The following GPR149 variants were observed in gnomAD, a reference collection of about 807,000 sequenced individuals.
GPR149 encodes the protein G protein-coupled receptor 149, also known as probable G protein-coupled receptor 149.
A neutral mutation model predicts 50.2 loss-of-function variants in GPR149; 50 were observed. The ratio of observed to expected loss-of-function variants is 1.00; its 90% CI spans 0.79 to 1.26. The LOEUF (loss-of-function observed/expected upper bound fraction) is 1.26, where lower values mean the gene tolerates loss of function less well. Ranked by LOEUF, GPR149 falls within the 50% of genes most tolerant of loss-of-function variation. The pLI, the probability that GPR149 is intolerant of heterozygous loss-of-function variation, is 0.00. For synonymous variants in GPR149, 405 were observed against 358.2 expected (o/e 1.13, Z -1.48); for missense variants, 983 against 895.4 (o/e 1.10, Z -1.25).
chr3:154,429,207 C>T lies in GPR149; in HGVS notation c.409G>A (p.Gly137Ser). Residue 137 changes from glycine to serine, a missense_variant, in exon 1 of 4, where the codon GGT (glycine) becomes AGT (serine). Physicochemically the swap from Gly to Ser is moderately conservative, Grantham distance 56 (BLOSUM62 0). Coordinates refer to ENST00000389740, the MANE Select transcript of GPR149 (RefSeq NM_001038705.3). ...VSYNFYTMHR[G>S]VGSQTASRRS... ...CTGGAGGCTGTCTGGCTCCCCACACCTCTGTGCATCGTATAAAAGTTGTAA... is the reference window on the plus strand; with the variant it reads ...CTGGAGGCTGTCTGGCTCCCCACACTTCTGTGCATCGTATAAAAGTTGTAA... 2.5e-6 allele frequency: 4 copies of T among 1,614,162 alleles called. No individual in the cohort carries two copies.
intron 3 of GPR149, among the ~76,000 whole-genome samples, chr3:154,350,134 C>T (rs1367948416): frequency 6.6e-6 from 1 of 151,962 alleles, no homozygotes; most frequent in Non-Finnish European, 1.5e-5. Context: ...GGATTTGAGG[C>T]TACAGTGAGC....
intron 3 of GPR149, among the ~76,000 whole-genome samples, chr3:154,368,498 C>T (rs1218972583): frequency 6.6e-6 from 1 of 152,210 alleles, no homozygotes; most frequent in African/African-American, 2.4e-5. Flanking sequence ...AACCTTAAGG[C>T]ATTTCCTCCA....
At chr3:154,427,945 C>T (rs1712354346) in intron 1 of GPR149, among the ~76,000 whole-genome samples, 2 of 152,242 alleles carry the variant, frequency 1.3e-5, no homozygotes, top group African/African-American at 4.8e-5. Context: ...CGCCCGCTGC[C>T]TATTCAAGAC....
At chr3:154,373,997 A>AC (rs1242602856) in intron 3 of GPR149, among the ~76,000 whole-genome samples, 4 of 152,284 alleles carry the variant, frequency 2.6e-5, no homozygotes, top group Non-Finnish European at 4.4e-5. Context: ...AAATAAACAA[A>AC]CAAACAAAAC....
chr3:154,419,331 C>T (rs371503505), intron 3 of GPR149, among the ~76,000 whole-genome samples: 1 of 152,018 alleles, frequency 6.6e-6, no homozygotes, highest in Non-Finnish European at 1.5e-5. Context: ...GATTCTTTCA[C>T]GTTTCTAGTT....
rs561316324 is a variant in GPR149, at chr3:154,380,339, C to CA, written c.1623+40699dup. On this transcript the variant is annotated intron_variant, in intron 3 of 3. Transcript: ENST00000389740. ...ATCGCACAGCAGAAACCCTCAAAAT[C>CA]AAAAAATTATTGTTTGGTGTAAAGG... 5.3e-3 allele frequency among the ~76,000 whole-genome samples: 809 copies of CA among 152,146 alleles called. 6 individuals are homozygous for CA. Among genetic ancestry groups the CA allele is most frequent in the South Asian group, 0.025 (122 of 4,818 alleles).
At chr3:154,384,410 T>C (rs531975948) in intron 3 of GPR149, among the ~76,000 whole-genome samples, 1 of 152,240 alleles carries the variant, frequency 6.6e-6, no homozygotes, top group Admixed American at 6.5e-5. Context: ...ACAACATCAG[T>C]GAGAAATACC....
At chr3:154,381,212 C>T (rs917717407) in intron 3 of GPR149, among the ~76,000 whole-genome samples, 2 of 152,000 alleles carry the variant, frequency 1.3e-5, no homozygotes, top group African/African-American at 2.4e-5. Flanking sequence ...ACATGGATAC[C>T]CTTGGAGAAG....
At chr3:154,353,701 T>C in intron 3 of GPR149, 1 of 1,198,640 alleles carries the variant, frequency 8.3e-7, no homozygotes, top group Non-Finnish European at 1.2e-6. Flanking sequence ...AGTACCTTTG[T>C]TGAGCAGCTT....
At chr3:154,384,687 A>G (rs996977131) in intron 3 of GPR149, among the ~76,000 whole-genome samples, 3 of 152,226 alleles carry the variant, frequency 2.0e-5, no homozygotes, top group African/African-American at 7.2e-5. Flanking sequence ...TACACAATTA[A>G]TCAGTCCCAG....
At chr3:154,395,457 T>TAC (rs1387191513) in intron 3 of GPR149, among the ~76,000 whole-genome samples, 1 of 147,796 alleles carries the variant, frequency 6.8e-6, no homozygotes, top group African/African-American at 2.5e-5. Context: ...TAAGTATATA[T>TAC]ATATATAATT....
chr3:154,427,779 C>T (rs965335496), intron 1 of GPR149, 71 bp from the exon 2 acceptor site: 1 of 1,371,280 alleles, frequency 7.3e-7, no homozygotes, highest in Non-Finnish European at 1.0e-6. Flanking sequence ...TTTCTCCACG[C>T]ACGCTGCCTC....
intron 3 of GPR149, among the ~76,000 whole-genome samples, chr3:154,371,920 G>A (rs529590464): frequency 7.7e-6 from 1 of 129,226 alleles, no homozygotes; most frequent in Admixed American, 8.0e-5. Context: ...GGCCATCAAG[G>A]TACAAATGGT....
In GPR149 at chr3:154,353,484, A is replaced by G. The variant is rs1714136987; in HGVS notation, c.1624-15213T>C. The G allele has an allele frequency of 9.9e-6, 9 of 907,828 alleles. No homozygotes were observed. In the Admixed American group the frequency reaches 1.4e-4, roughly 14 times the overall value. The allele number at this position is 907,828 out of a possible 1,614,324, so 56.2% of individuals were successfully genotyped here. A position where few individuals can be genotyped will look rare whatever the true frequency, so the allele number is the denominator to read the frequency against. ...CACTTCATCAAGCACAACATGGCAC[A>G]GTTTAGAAAGATCCAATCAGCCACT... On this transcript the variant is annotated intron_variant, in intron 3 of 3. Transcript: ENST00000389740.
chr3:154,356,201 G>A (rs1359062406), intron 3 of GPR149, among the ~76,000 whole-genome samples: 1 of 152,094 alleles, frequency 6.6e-6, no homozygotes, highest in Non-Finnish European at 1.5e-5. Context: ...TGACTTATGG[G>A]CTATGTTAGT....
At chr3:154,395,685 G>C (rs1363345747) in intron 3 of GPR149, among the ~76,000 whole-genome samples, 1 of 151,910 alleles carries the variant, frequency 6.6e-6, no homozygotes, top group Admixed American at 6.6e-5. Context: ...AGTTCCAGCT[G>C]CTCAGGAGGC....
At chr3:154,349,097 T>C (rs1336775890) in intron 3 of GPR149, among the ~76,000 whole-genome samples, 2 of 151,818 alleles carry the variant, frequency 1.3e-5, no homozygotes, top group African/African-American at 2.4e-5. Context: ...CATATTGAAA[T>C]TGGTGCTAGG....
At chr3:154,408,430 G>GT (rs1338257425) in intron 3 of GPR149, among the ~76,000 whole-genome samples, 28 of 152,202 alleles carry the variant, frequency 1.8e-4, no homozygotes, top group Non-Finnish European at 2.5e-4. Context: ...TCTGAGGCAA[G>GT]TTCTCAGCCT....
intron 3 of GPR149, among the ~76,000 whole-genome samples, chr3:154,420,345 A>C (rs1372160049): frequency 6.6e-6 from 1 of 152,014 alleles, no homozygotes; most frequent in Non-Finnish European, 1.5e-5. Flanking sequence ...CTGCCATTTC[A>C]ATGAATAAGA....
Sources: gnomAD v4.1 joint callset for allele counts (sites outside exome capture counted in the v4.1 genomes callset) on GRCh38, gnomAD v4.1.1 for gene constraint, MANE v1.5 for transcripts, NCBI Gene and HGNC (gene_info 2026-07-23, HGNC 2026-07-21) for gene names.